Variants in ZFHX3 observed in about 807,000 individuals in gnomAD.
The protein encoded by ZFHX3 is zinc finger homeobox protein 3.
Under a neutral mutation model 279.1 loss-of-function variants are expected in ZFHX3, and 42 were observed. The ratio of observed to expected loss-of-function variants is 0.15; its 90% CI spans 0.12 to 0.19. The LOEUF (loss-of-function observed/expected upper bound fraction) is 0.19, where lower values mean the gene tolerates loss of function less well. Among genes scored for constraint, ZFHX3 ranks in the 10% least tolerant of loss-of-function variants. ZFHX3 has a pLI of 1.00. For synonymous variants in ZFHX3, 2,293 were observed against 1,957.8 expected (o/e 1.17, Z -4.52); for missense variants, 4,981 against 4,754.0 (o/e 1.05, Z -1.40).
intron 4 of ZFHX3, among the ~76,000 whole-genome samples, chr16:72,843,476 A>C (rs942531428): frequency 7.1e-6 from 1 of 141,530 alleles, no homozygotes; most frequent in Non-Finnish European, 1.5e-5. Flanking sequence ...CCGCCACTGC[A>C]CTCCATCCAG....
chr16:73,288,041 T>C (rs911909598), intron 4 of ZFHX3, among the ~76,000 whole-genome samples: 2 of 152,038 alleles, frequency 1.3e-5, no homozygotes, highest in African/African-American at 4.8e-5. Flanking sequence ...CCGGCGGAGA[T>C]GGACTGCCTG....
chr16:72,938,348 G>A (rs1235055672), intron 3 of ZFHX3, among the ~76,000 whole-genome samples: 13 of 152,276 alleles, frequency 8.5e-5, no homozygotes, highest in Admixed American at 3.3e-4. Context: ...AATGACATCT[G>A]TTGGATTAAT....
chr16:72,846,871 C>G (rs1404467215), intron 4 of ZFHX3, among the ~76,000 whole-genome samples: 1 of 152,128 alleles, frequency 6.6e-6, no homozygotes, highest in Admixed American at 6.5e-5. Flanking sequence ...GGGAAGCGGA[C>G]CAGTGGCTAT....
intron 1 of ZFHX3, among the ~76,000 whole-genome samples, chr16:73,755,541 A>G (rs972518077): frequency 6.6e-6 from 1 of 152,190 alleles, no homozygotes; most frequent in Non-Finnish European, 1.5e-5. Context: ...GTATGAACAA[A>G]CCAAACAATT....
intron 1 of ZFHX3, among the ~76,000 whole-genome samples, chr16:73,888,313 CG>C (rs1476808407): frequency 6.6e-6 from 1 of 151,840 alleles, no homozygotes; most frequent in African/African-American, 2.4e-5. Context: ...CTTCCCCCCA[CG>C]GAAACATAAT....
intron 5 of ZFHX3, among the ~76,000 whole-genome samples, chr16:73,190,826 G>T (rs566495974): frequency 6.6e-6 from 1 of 152,236 alleles, no homozygotes; most frequent in South Asian, 2.1e-4. Context: ...GATTATGTGT[G>T]GGGGAGAGCA....
chr16:73,011,346 G>C (rs189648753), intron 1 of ZFHX3, among the ~76,000 whole-genome samples: 2 of 151,488 alleles, frequency 1.3e-5, no homozygotes, highest in East Asian at 3.9e-4. Context: ...TGCCCAGCGT[G>C]GTCTCAAACT....
intron 2 of ZFHX3, among the ~76,000 whole-genome samples, chr16:73,457,786 T>C (rs2018399218): frequency 6.6e-6 from 1 of 151,880 alleles, no homozygotes; most frequent in South Asian, 2.1e-4. Context: ...AAAAATAAAA[T>C]AAAATAAAAT....
intron 1 of ZFHX3, among the ~76,000 whole-genome samples, chr16:73,041,350 G>C (rs1387851899): frequency 1.4e-5 from 2 of 145,496 alleles, no homozygotes; most frequent in African/African-American, 5.3e-5. Flanking sequence ...TATACCTCTG[G>C]ATTTCCTATC....
chr16:73,214,032 T>G (rs1385943868), intron 5 of ZFHX3, among the ~76,000 whole-genome samples: 1 of 152,254 alleles, frequency 6.6e-6, no homozygotes. Flanking sequence ...ATTAAACATA[T>G]GATTCAATCG....
At chr16:73,754,255 T>C (rs2053786904) in intron 1 of ZFHX3, among the ~76,000 whole-genome samples, 1 of 152,226 alleles carries the variant, frequency 6.6e-6, no homozygotes, top group Non-Finnish European at 1.5e-5. Context: ...TTACTGCTTT[T>C]AGTCTTTCCC....
intron 1 of ZFHX3, among the ~76,000 whole-genome samples, chr16:73,857,917 G>A (rs897961808): frequency 1.3e-5 from 2 of 152,048 alleles, no homozygotes; most frequent in African/African-American, 4.8e-5. Flanking sequence ...GACCAGCCTG[G>A]CCAACATGGT....
At position 73,770,137 on chromosome 16, in the gene ZFHX3, C is replaced by T. The variant is rs546338612; in HGVS notation, c.-1607-89897G>A. On this transcript the variant is annotated intron_variant, in intron 1 of 17. Transcript: ENST00000641206. The stretch of plus-strand genomic sequence containing the variant: ...TGCTAATCAGATGACCTGATGATAG[C>T]GAGATTATTCTGGATGATTGCAATT... Among the ~76,000 whole-genome samples, 10 of 152,208 alleles carry T rather than the reference C, an allele frequency of 6.6e-5. No homozygotes were observed. In the East Asian group the frequency reaches 1.7e-3, roughly 26 times the overall value.
intron 5 of ZFHX3, among the ~76,000 whole-genome samples, chr16:73,188,068 A>G (rs1389609067): frequency 1.3e-5 from 2 of 152,134 alleles, no homozygotes; most frequent in Non-Finnish European, 2.9e-5. Flanking sequence ...TCACTCTGTT[A>G]GCCAGGATGG....
chr16:73,344,444 C>T (rs561352558), intron 3 of ZFHX3, among the ~76,000 whole-genome samples: 19 of 152,222 alleles, frequency 1.2e-4, no homozygotes, highest in East Asian at 3.9e-4. Context: ...GATGTGACAA[C>T]GAAAGGCAAT....
chr16:73,263,782 T>G lies in ZFHX3; in HGVS notation c.-1193-6646A>C, dbSNP rs556468621. Among the ~76,000 whole-genome samples the G allele has an allele frequency of 9.2e-5, 14 of 152,306 alleles. No homozygotes were observed. The East Asian group carries it at 2.3e-3, about 25-fold the overall frequency. ...GTTACTGGGTATGCCAACTACACTA[T>G]TATTAAATTATTCAGGATTAAAAGG... On this transcript the variant is annotated intron_variant, in intron 4 of 17. Coordinates refer to the ZFHX3 transcript ENST00000641206.
At chr16:73,438,205 T>C (rs1170992635) in intron 3 of ZFHX3, among the ~76,000 whole-genome samples, 1 of 152,164 alleles carries the variant, frequency 6.6e-6, no homozygotes. Context: ...AACTCGTAGC[T>C]CCAGAGAATT....
At chr16:72,919,181 G>C (rs1397626669) in intron 3 of ZFHX3, among the ~76,000 whole-genome samples, 1 of 151,504 alleles carries the variant, frequency 6.6e-6, no homozygotes, top group East Asian at 1.9e-4. Context: ...TTTAGAGACA[G>C]GGTCTCACTC....
chr16:73,313,938 T>C (rs1320472284), intron 4 of ZFHX3, among the ~76,000 whole-genome samples: 2 of 152,126 alleles, frequency 1.3e-5, no homozygotes, highest in African/African-American at 4.8e-5. Flanking sequence ...GGAAACCCCA[T>C]TTCTACAAAA....
Sources: gnomAD v4.1 joint callset for allele counts (sites outside exome capture counted in the v4.1 genomes callset) on GRCh38, gnomAD v4.1.1 for gene constraint, MANE v1.5 for transcripts, NCBI Gene and HGNC (gene_info 2026-07-23, HGNC 2026-07-21) for gene names.